The following NPAS3 variants were observed in gnomAD, a reference collection of about 807,000 sequenced individuals.
NPAS3 encodes the protein neuronal PAS domain-containing protein 3.
In NPAS3, 14 loss-of-function variants were observed where a neutral mutation model predicts 73.1. That is an observed-to-expected ratio of 0.19 (90% CI 0.13 to 0.30). The LOEUF is 0.30. NPAS3 is among the 10% of genes least tolerant of loss of function. The pLI is 1.00. For synonymous variants in NPAS3, 620 were observed against 541.5 expected (o/e 1.14, Z -2.01); for missense variants, 1,096 against 1,250.0 (o/e 0.88, Z 1.86).
chr14:33,413,902 A>T (rs1468352318), intron 4 of NPAS3, among the ~76,000 whole-genome samples: 1 of 152,074 alleles, frequency 6.6e-6, no homozygotes, highest in African/African-American at 2.4e-5. Flanking sequence ...ATTCCATCAC[A>T]TTCCAACCTC....
At chr14:33,696,499 G>A (rs574106730) in intron 6 of NPAS3, among the ~76,000 whole-genome samples, 3 of 152,312 alleles carry the variant, frequency 2.0e-5, no homozygotes, top group South Asian at 4.1e-4. Context: ...GCTCAGTAGA[G>A]TAACGCATTC....
At chr14:33,078,797 G>A (rs904713769) in intron 2 of NPAS3, among the ~76,000 whole-genome samples, 13 of 152,162 alleles carry the variant, frequency 8.5e-5, no homozygotes, top group Non-Finnish European at 1.8e-4. Flanking sequence ...AGAAATAGGG[G>A]TAGAGAGTTT....
chr14:33,508,024 A>T (rs964440404), intron 4 of NPAS3, among the ~76,000 whole-genome samples: 14 of 151,974 alleles, frequency 9.2e-5, no homozygotes, highest in Non-Finnish European at 1.3e-4. Flanking sequence ...CTCTTCCATG[A>T]GAGCACTCAA....
chr14:32,969,412 T>G (rs946213627), intron 1 of NPAS3, among the ~76,000 whole-genome samples: 6 of 152,166 alleles, frequency 3.9e-5, no homozygotes, highest in African/African-American at 1.4e-4. Flanking sequence ...GGACTGATTG[T>G]CACAAGAAGT....
intron 1 of NPAS3, among the ~76,000 whole-genome samples, chr14:33,024,882 T>A (rs1271789605): frequency 6.6e-6 from 1 of 152,248 alleles, no homozygotes; most frequent in African/African-American, 2.4e-5. Flanking sequence ...ATCTTTTCAA[T>A]ATTGTAGACC....
At chr14:33,551,451 G>A (rs1187818310) in intron 4 of NPAS3, among the ~76,000 whole-genome samples, 1 of 152,212 alleles carries the variant, frequency 6.6e-6, no homozygotes, top group Non-Finnish European at 1.5e-5. Flanking sequence ...CAGAAGCACT[G>A]TGGGTTTCCC....
intron 3 of NPAS3, among the ~76,000 whole-genome samples, chr14:33,289,994 C>A (rs2042035430): frequency 1.3e-5 from 2 of 152,076 alleles, no homozygotes; most frequent in Non-Finnish European, 2.9e-5. Flanking sequence ...TTCTGACCAT[C>A]TTTTTAGGGA....
intron 2 of NPAS3, among the ~76,000 whole-genome samples, chr14:33,197,518 T>C (rs573715256): frequency 6.6e-6 from 1 of 151,310 alleles, no homozygotes; most frequent in South Asian, 2.1e-4. Flanking sequence ...CAGGAGCATA[T>C]TGTCAGAAAA....
At chr14:33,345,185 A>G (rs1020832906) in intron 3 of NPAS3, among the ~76,000 whole-genome samples, 2 of 152,248 alleles carry the variant, frequency 1.3e-5, no homozygotes, top group Admixed American at 6.5e-5. Context: ...CGTAAAATAC[A>G]TCAAACTAAA....
chr14:33,800,667 C>T lies in NPAS3; in HGVS notation c.2360C>T (p.Thr787Ile). 1.3e-6 allele frequency: 2 copies of T among 1,542,866 alleles called. No individual in the cohort carries two copies. Among genetic ancestry groups the T allele is most frequent in the Non-Finnish European group, 1.7e-6 (2 of 1,146,704 alleles). Residue 787 changes from threonine (T) to isoleucine (I), a missense_variant, in exon 12 of 12, where the codon ACT becomes ATT. By Grantham distance (89) the Thr-to-Ile change is moderately conservative (BLOSUM62 -1). Transcript: ENST00000356141. The surrounding 1 kb of genome is among the most constrained non-coding windows in gnomAD (Gnocchi z 6.5). ...AGCGCGTCCAACTCCTTGCTGTACA[C>T]TGGGGACCTGGAGGCGCTGCAGAGG... is the stretch of plus-strand genomic sequence containing the variant.
intron 1 of NPAS3, among the ~76,000 whole-genome samples, chr14:33,037,082 A>T (rs1306138618): frequency 6.6e-6 from 1 of 152,194 alleles, no homozygotes; most frequent in African/African-American, 2.4e-5. Flanking sequence ...CTTGATTGAA[A>T]GCTCATACTG....
intron 1 of NPAS3, among the ~76,000 whole-genome samples, chr14:33,054,192 CTCT>C (rs1315479742): frequency 6.6e-6 from 1 of 152,104 alleles, no homozygotes; most frequent in Non-Finnish European, 1.5e-5. Flanking sequence ...TTTTTTATAT[CTCT>C]TGCTTTCTTG....
At chr14:33,726,465 AT>A (rs1328242090) in intron 6 of NPAS3, among the ~76,000 whole-genome samples, 5 of 152,184 alleles carry the variant, frequency 3.3e-5, no homozygotes, top group Non-Finnish European at 7.3e-5. Context: ...TAAATTTACC[AT>A]AAGAATCATG....
intron 3 of NPAS3, among the ~76,000 whole-genome samples, chr14:33,288,566 C>T (rs570543114): frequency 7.6e-4 from 115 of 152,010 alleles, no homozygotes; most frequent in Middle Eastern, 6.8e-3. Flanking sequence ...TGAAAGAACC[C>T]AGAGGCTAAA....
At chr14:33,234,692 C>G (rs2047971006) in intron 3 of NPAS3, among the ~76,000 whole-genome samples, 1 of 151,588 alleles carries the variant, frequency 6.6e-6, no homozygotes. Context: ...TCCCATTTCC[C>G]CAAAAAAGTG....
chr14:32,945,199 G>A (rs1175244944), intron 1 of NPAS3, among the ~76,000 whole-genome samples: 1 of 152,090 alleles, frequency 6.6e-6, no homozygotes, highest in Admixed American at 6.6e-5. Flanking sequence ...TGTGAGGATA[G>A]TTATTCAACT....
intron 6 of NPAS3, among the ~76,000 whole-genome samples, chr14:33,682,638 GCTAAGCTAAACAAGATCCC>G (rs2059971473): frequency 6.6e-6 from 1 of 152,078 alleles, no homozygotes. Context: ...TTTATCCCCA[GCTAAGCTAAACAAGATCCC>G]CTGGAACTGC....
At chr14:33,414,595 C>T (rs1364250407) in intron 4 of NPAS3, among the ~76,000 whole-genome samples, 1 of 152,118 alleles carries the variant, frequency 6.6e-6, no homozygotes, top group Non-Finnish European at 1.5e-5. Flanking sequence ...ATCCACAATC[C>T]TTTCCAAGCC....
At chr14:33,159,991 A>T (rs1287275053) in intron 2 of NPAS3, among the ~76,000 whole-genome samples, 7 of 152,220 alleles carry the variant, frequency 4.6e-5, no homozygotes, top group African/African-American at 1.7e-4. Context: ...AACTCAACAA[A>T]TTTAAATTTT....
Sources: gnomAD v4.1 joint callset for allele counts (sites outside exome capture counted in the v4.1 genomes callset) on GRCh38, gnomAD v4.1.1 for gene constraint, Gnocchi (gnomAD v3.1) non-coding constraint, MANE v1.5 for transcripts, NCBI Gene and HGNC (gene_info 2026-07-23, HGNC 2026-07-21) for gene names.